Variants in MMS22L observed in about 807,000 individuals in gnomAD.
MMS22L encodes MMS22 like, DNA repair protein, also known as protein MMS22-like.
A neutral mutation model predicts 159.1 loss-of-function variants in MMS22L; 74 were observed. The observed-to-expected ratio is 0.47, with a 90% CI of 0.39 to 0.56. MMS22L has a LOEUF of 0.56. Ranked by LOEUF, MMS22L falls within the 20% of genes least tolerant of loss-of-function variation. MMS22L has a pLI of 0.00. For synonymous variants in MMS22L, 517 were observed against 506.9 expected (o/e 1.02, Z -0.27); for missense variants, 1,351 against 1,422.1 (o/e 0.95, Z 0.80).
chr6:97,165,563 T>A, intron 20 of MMS22L, 106 bp from the exon 21 acceptor site: 1 of 938,398 alleles, frequency 1.1e-6, no homozygotes, highest in Admixed American at 2.7e-5. Context: ...CATGTGAGAA[T>A]ATAAAAATCA....
Position 97,168,206 on chromosome 6 carries a change from G to A in MMS22L, c.2874C>T (p.Ala958=). Residue 958 remains alanine, a synonymous_variant, in exon 20 of 25, where the codon GCC becomes GCT. Transcript: ENST00000683635. ...ATAGTAATTTTTGGGCTTTAGAAGT[G>A]GCAAAGATTTGTGCCCATGATTTCA... ...ILVKSWAQIF[A]TSKAQKLLFR... 1 of 1,612,758 alleles carries A rather than the reference G, an allele frequency of 6.2e-7. No individual in the cohort carries two copies. The highest frequency in any genetic ancestry group is 8.5e-7 in the Non-Finnish European group (1 of 1,179,248).
intron 8 of MMS22L, chr6:97,267,431 G>A (rs927796177): frequency 1.3e-5 from 2 of 151,754 alleles, no homozygotes; most frequent in African/African-American, 4.8e-5. Context: ...CCAGATTCGA[G>A]ACCTTTTATG....
rs1479704903 is a variant in MMS22L, at chr6:97,172,971, T to C, written c.2839+92A>G. On this transcript the variant is annotated intron_variant, in intron 19 of 24. Transcript: ENST00000683635. ...ATTACTCTTATGATTGTATGGAGGG[T>C]AGTGATTTAGCCAATATATACCTAT... The C allele has an allele frequency of 2.6e-6, 3 of 1,174,812 alleles. No homozygotes were observed. The African/African-American group carries it at 4.7e-5, about 19-fold the overall frequency. 72.8% of individuals were successfully genotyped at this position (1,174,812 alleles called of 1,614,324 possible).
intron 11 of MMS22L, among the ~76,000 whole-genome samples, chr6:97,242,387 C>G (rs1321736094): frequency 6.6e-6 from 1 of 152,122 alleles, no homozygotes; most frequent in Non-Finnish European, 1.5e-5. Flanking sequence ...GTTTTAAAAT[C>G]TGTTTTGTCT....
intron 19 of MMS22L, among the ~76,000 whole-genome samples, chr6:97,171,687 T>C (rs1235843431): frequency 6.6e-6 from 1 of 152,128 alleles, no homozygotes; most frequent in Non-Finnish European, 1.5e-5. Flanking sequence ...TCTTGCAACC[T>C]TGTAAGTGAA....
chr6:97,272,800 C>T lies in MMS22L; in HGVS notation c.510G>A (p.Leu170=). The change falls in exon 6 of 25, where the codon TTG becomes TTA. Residue 170 remains leucine (L), a synonymous_variant. Coordinates refer to ENST00000683635, the MANE Select transcript of MMS22L (RefSeq NM_001350599.2). ...AGAGTAATCCATGAAGCTCATCAATCAACACTGAGGGAAGCTGAGCCTCCA... is the reference window on the plus strand; with the variant it reads ...AGAGTAATCCATGAAGCTCATCAATTAACACTGAGGGAAGCTGAGCCTCCA... The part of the protein sequence containing the change: ...EALEAQLPSV[L]IDELHGLLLY... 6.2e-7 allele frequency: 1 copy of T among 1,614,030 alleles called. No individual in the cohort carries two copies. The highest frequency in any genetic ancestry group is 8.5e-7 in the Non-Finnish European group (1 of 1,179,968).
intron 9 of MMS22L, among the ~76,000 whole-genome samples, chr6:97,255,634 T>C (rs948214753): frequency 6.6e-6 from 1 of 152,114 alleles, no homozygotes; most frequent in African/African-American, 2.4e-5. Context: ...CCTCTAATTA[T>C]AACTTTTAGC....
intron 18 of MMS22L, among the ~76,000 whole-genome samples, chr6:97,173,947 T>C (rs945236331): frequency 4.7e-5 from 7 of 150,388 alleles, no homozygotes; most frequent in African/African-American, 1.7e-4. Context: ...GGCTAAGAGA[T>C]GGATTAGAAA....
rs765931994 is a variant in MMS22L, at chr6:97,254,491, T to C, written c.1119+66A>G. The C allele has an allele frequency of 1.3e-5, 17 of 1,317,316 alleles. No individual in the cohort carries two copies. In the East Asian group the frequency reaches 4.1e-4, roughly 31 times the overall value. 81.6% of individuals were successfully genotyped at this position (1,317,316 alleles called of 1,614,324 possible). On this transcript the variant is annotated intron_variant, in intron 10 of 24. Coordinates refer to ENST00000683635, the MANE Select transcript of MMS22L (RefSeq NM_001350599.2). ...TTCTTGTTTCTGCTCACTTATTTTC[T>C]AATTTGTCCAAATAATTACATATTA...
intron 14 of MMS22L, among the ~76,000 whole-genome samples, chr6:97,225,066 G>A (rs554924880): frequency 4.7e-4 from 72 of 152,222 alleles, no homozygotes; most frequent in Non-Finnish European, 5.4e-4. Flanking sequence ...CCTATAAATA[G>A]GGATGGCAGG....
chr6:97,276,046 G>A (rs1033787682), intron 4 of MMS22L, among the ~76,000 whole-genome samples: 2 of 152,066 alleles, frequency 1.3e-5, no homozygotes, highest in African/African-American at 4.8e-5. Flanking sequence ...AAAAACAGCT[G>A]TCAGCAAAAC....
rs140862311 is a variant in MMS22L, at chr6:97,180,928, G to C, written c.2384+976C>G. Among the ~76,000 whole-genome samples the C allele has an allele frequency of 9.2e-3, 1,398 of 152,114 alleles. 21 individuals are homozygous for C. Among genetic ancestry groups the C allele is most frequent in the African/African-American group, 0.031 (1,278 of 41,506 alleles). ...ACATCTCTCTTCATTTCCACTGATG[G>C]GCAGCTTGGACAAAAACTACGTTAA... On this transcript the variant is annotated intron_variant, in intron 16 of 24. Transcript: ENST00000683635.
intron 14 of MMS22L, among the ~76,000 whole-genome samples, chr6:97,200,810 G>A (rs977722391): frequency 6.6e-6 from 1 of 152,066 alleles, no homozygotes; most frequent in Non-Finnish European, 1.5e-5. Flanking sequence ...TGATAAAAGA[G>A]TAGGGCTTTG....
intron 11 of MMS22L, among the ~76,000 whole-genome samples, chr6:97,240,630 A>T (rs1373830795): frequency 3.4e-5 from 5 of 147,192 alleles, no homozygotes; most frequent in South Asian, 2.2e-4. Flanking sequence ...AAGTATGGTC[A>T]TTTTTTTTTT....
At chr6:97,199,451 C>A (rs370575564) in intron 14 of MMS22L, among the ~76,000 whole-genome samples, 3 of 152,158 alleles carry the variant, frequency 2.0e-5, no homozygotes, top group Admixed American at 2.0e-4. Context: ...CTCTTCCCCC[C>A]ACCTCCATTT....
chr6:97,208,379 T>A (rs1373219580), intron 14 of MMS22L, among the ~76,000 whole-genome samples: 1 of 152,058 alleles, frequency 6.6e-6, no homozygotes, highest in Non-Finnish European at 1.5e-5. Flanking sequence ...CGTCATGCAC[T>A]TTTAGCTGGA....
intron 10 of MMS22L, among the ~76,000 whole-genome samples, chr6:97,250,438 T>C (rs1813125887): frequency 6.6e-6 from 1 of 152,214 alleles, no homozygotes; most frequent in Admixed American, 6.5e-5. Flanking sequence ...CATTATGTTC[T>C]GGGTACAGAA....
chr6:97,177,205 A>G (rs1231385036), intron 18 of MMS22L, among the ~76,000 whole-genome samples: 2 of 152,166 alleles, frequency 1.3e-5, no homozygotes, highest in African/African-American at 4.8e-5. Flanking sequence ...ACCAAATCAT[A>G]TCTACTTAAA....
At chr6:97,231,197 C>T in intron 13 of MMS22L, 1 of 454,302 alleles carries the variant, frequency 2.2e-6, no homozygotes, top group Non-Finnish European at 4.0e-6. Flanking sequence ...TGCTTGTGAA[C>T]CGCTGGGCTC....
Sources: allele counts gnomAD v4.1 joint callset (sites outside exome capture counted in the v4.1 genomes callset), GRCh38; gene constraint gnomAD v4.1.1; transcripts MANE v1.5; gene names NCBI Gene and HGNC (gene_info 2026-07-23, HGNC 2026-07-21).